RPS8: variants seen among roughly 807,000 people sequenced by gnomAD.
RPS8 encodes the protein small ribosomal subunit protein eS8.
For synonymous variants in RPS8, 100 were observed against 100.7 expected (o/e 0.99, Z 0.04); for missense variants, 141 against 269.7 (o/e 0.52, Z 3.34).
In RPS8 at chr1:44,777,639, C is replaced by T. The variant is rs25687; in HGVS notation, c.237C>T (p.Ile79=). ...SECCTRKTRI[I]DVVYNASNNE... is the part of the protein sequence containing the mutation. Reference sequence around the variant, plus strand: ...GTTGTACTCGTAAAACAAGGATCATCGATGTTGTCTACAATGCATCTAATA... The same window carrying T: ...GTTGTACTCGTAAAACAAGGATCATTGATGTTGTCTACAATGCATCTAATA... Residue 79 remains isoleucine, a synonymous_variant, in exon 4 of 6, where the codon ATC becomes ATT. Transcript: ENST00000396651. 3.0e-3 allele frequency: 4,908 copies of T among 1,613,842 alleles called. 130 individuals carry two copies. The African/African-American group carries it at 0.057, about 19-fold the overall frequency.
Position 44,775,854 on chromosome 1 carries a change from C to A in RPS8, c.5-180C>A. On this transcript the variant is annotated intron_variant, in intron 1 of 5. Coordinates refer to ENST00000396651, the MANE Select transcript of RPS8 (RefSeq NM_001012.2). The stretch of plus-strand genomic sequence containing the variant: ...GGCTGCCGCGAGGAGGAGGCCCCGG[C>A]CTGGCCGCACGTGTATGATGACAAC... 4 of 808,188 alleles carry A rather than the reference C, an allele frequency of 4.9e-6. No homozygotes were observed. The East Asian group carries it at 9.9e-5, about 20-fold the overall frequency. 50.1% of individuals were successfully genotyped at this position (808,188 alleles called of 1,614,324 possible). A position where few individuals can be genotyped will look rare whatever the true frequency, so the allele number is the denominator to read the frequency against.
rs1650924802 is a variant in RPS8, at chr1:44,778,113, G to A, written c.501G>A (p.Gln167=). Residue 167 remains glutamine (Q), a synonymous_variant, in exon 5 of 6, where the codon CAG becomes CAA. Coordinates refer to ENST00000396651, the MANE Select transcript of RPS8 (RefSeq NM_001012.2). ...KISSLLEEQF[Q]QGKLLACIAS... ...GCAGTCTCCTGGAGGAGCAGTTCCA[G>A]CAGGGCAAGCTTCTTGGTGAGAAGG... The A allele has an allele frequency of 6.3e-7, 1 of 1,596,420 alleles. No individual in the cohort carries two copies. Among genetic ancestry groups the A allele is most frequent in the South Asian group, 1.1e-5 (1 of 89,418 alleles).
At chr1:44,775,857 G>C (rs1270922167) in intron 1 of RPS8, 177 bp from the exon 2 acceptor site, 1 of 814,066 alleles carries the variant, frequency 1.2e-6, no homozygotes, top group East Asian at 2.5e-5. Context: ...GCCCCGGCCT[G>C]GCCGCACGTG....
At chr1:44,776,349 G>A in intron 2 of RPS8, 1 of 677,970 alleles carries the variant, frequency 1.5e-6, no homozygotes, top group Non-Finnish European at 2.6e-6. Flanking sequence ...TGGAGCTTAG[G>A]ATTTCAGAGA....
At chr1:44,777,233 G>A (rs1650889370) in intron 3 of RPS8, 5 of 216,788 alleles carry the variant, frequency 2.3e-5, no homozygotes, top group East Asian at 2.5e-4. Flanking sequence ...CATCACACCC[G>A]GCTGCTTCTG....
chr1:44,776,908 G>A (rs1176611405), intron 3 of RPS8, 134 bp downstream of exon 3: 5 of 598,824 alleles, frequency 8.3e-6, no homozygotes, highest in African/African-American at 1.9e-5. Flanking sequence ...GATCACCTGA[G>A]GTCAGGAGTT....
At position 44,775,595 on chromosome 1, in the gene RPS8, C is replaced by G. The variant is rs371386216; in HGVS notation, c.-2C>G. 1 of 1,614,036 alleles carries G rather than the reference C, an allele frequency of 6.2e-7. No homozygotes were observed. The highest frequency in any genetic ancestry group is 1.3e-5 in the African/African-American group (1 of 74,928). On this transcript the variant is annotated 5_prime_UTR_variant, in exon 1 of 6. Transcript: ENST00000396651. ...GTTTCTCTTTCCAGCCAGCGCCGAG[C>G]GATGGGTGAGTGTCGCTCTGCATTG...
rs566572647 is a variant in RPS8 at position 44,777,395 on chromosome 1, A to G, written c.212-219A>G. The G allele has an allele frequency of 3.6e-4, 201 of 555,902 alleles. 2 individuals are homozygous for G. Among genetic ancestry groups the G allele is most frequent in the Admixed American group, 7.7e-4 (24 of 31,254 alleles). 34.4% of individuals were successfully genotyped at this position (555,902 alleles called of 1,614,324 possible). A position where few individuals can be genotyped will look rare whatever the true frequency, so the allele number is the denominator to read the frequency against. ...CTGCTCTGATCTTTCTGAACTCTGC[A>G]GCCTGAGAGATTGGGGCTGGTAAAG... On this transcript the variant is annotated intron_variant, in intron 3 of 5. Transcript: ENST00000396651.
In RPS8 at chr1:44,778,003, C is replaced by T; in HGVS notation, c.391C>T (p.Pro131Ser). 6.2e-7 allele frequency: 1 copy of T among 1,613,652 alleles called. No individual in the cohort carries two copies. The highest frequency in any genetic ancestry group is 8.5e-7 in the Non-Finnish European group (1 of 1,179,968). The stretch of plus-strand genomic sequence containing the variant: ...TATATTTGTATCCCCTTTTCAGACT[C>T]CTGAGGAAGAAGAGATTTTAAACAA... ...LGRKKGAKLTPEEEEILNKKR... is the reference protein window; with the variant it reads ...LGRKKGAKLTSEEEEILNKKR... The change falls in exon 5 of 6, where the codon CCT (proline) becomes TCT (serine). Residue 131 changes from proline (P) to serine (S), a missense_variant. Pro to Ser is a moderately conservative substitution (Grantham distance 74, BLOSUM62 -1). Coordinates refer to ENST00000396651, the MANE Select transcript of RPS8 (RefSeq NM_001012.2).
rs760550140 is a variant in RPS8, at chr1:44,778,122, G to A, written c.510G>A (p.Lys170=). The change falls in exon 5 of 6, where the codon AAG becomes AAA. Residue 170 remains lysine (K), a synonymous_variant. Transcript: ENST00000396651. Reference sequence around the variant, plus strand: ...TGGAGGAGCAGTTCCAGCAGGGCAAGCTTCTTGGTGAGAAGGCTGTTGTGT... The same window carrying A: ...TGGAGGAGCAGTTCCAGCAGGGCAAACTTCTTGGTGAGAAGGCTGTTGTGT... ...SLLEEQFQQG[K]LLACIASRPG... 3.1e-5 allele frequency: 49 copies of A among 1,594,022 alleles called. No homozygotes were observed. The highest frequency in any genetic ancestry group is 3.8e-5 in the Non-Finnish European group (44 of 1,169,942).
Position 44,776,729 on chromosome 1 carries a change from C to T in RPS8, c.166C>T (p.Arg56Cys), listed in dbSNP as rs753641869. 6.2e-7 allele frequency: 1 copy of T among 1,613,318 alleles called. No individual in the cohort carries two copies. The highest frequency in any genetic ancestry group is 1.1e-5 in the South Asian group (1 of 91,008). ...VRVRGGNKKY[R>C]ALRLDVGNFS... ...TGTGCGGGGAGGTAACAAGAAATAC[C>T]GTGCCCTGAGGTTGGACGTGGGGAA... Residue 56 changes from arginine (R) to cysteine (C), a missense_variant, in exon 3 of 6, where the codon CGT (arginine) becomes TGT (cysteine). By Grantham distance (180) the Arg-to-Cys change is radical. Coordinates refer to ENST00000396651, the MANE Select transcript of RPS8 (RefSeq NM_001012.2).
At position 44,776,761 on chromosome 1, in the gene RPS8, C is replaced by T. The variant is rs779539651; in HGVS notation, c.198C>T (p.Ser66=). 6.2e-7 allele frequency: 1 copy of T among 1,610,444 alleles called. No homozygotes were observed. The change falls in exon 3 of 6, where the codon TCC becomes TCT. Residue 66 remains serine, a synonymous_variant. Coordinates refer to ENST00000396651, the MANE Select transcript of RPS8 (RefSeq NM_001012.2). ...RALRLDVGNF[S]WGSECCTRKT... ...TGAGGTTGGACGTGGGGAATTTCTC[C>T]TGGGGCTCAGAGTGTGAGTGAGGCC... is the stretch of plus-strand genomic sequence containing the variant.
chr1:44,777,703 A>G lies in RPS8; in HGVS notation c.301A>G (p.Ile101Val), dbSNP rs1271387414. The change falls in exon 4 of 6, where the codon ATC (isoleucine) becomes GTC (valine). Residue 101 changes from isoleucine to valine, a missense_variant. Physicochemically the swap from Ile to Val is conservative, Grantham distance 29. Coordinates refer to ENST00000396651, the MANE Select transcript of RPS8 (RefSeq NM_001012.2). The part of the protein sequence containing the change: ...VRTKTLVKNC[I>V]VLIDSTPYRQ... ...TACCAAGACCCTGGTGAAGAATTGCATCGTGCTCATCGACAGCACACCGTA... is the reference window on the plus strand; with the variant it reads ...TACCAAGACCCTGGTGAAGAATTGCGTCGTGCTCATCGACAGCACACCGTA... The G allele has an allele frequency of 1.2e-6, 2 of 1,613,884 alleles. No individual in the cohort carries two copies. Among genetic ancestry groups the G allele is most frequent in the Non-Finnish European group, 1.7e-6 (2 of 1,179,872 alleles).
intron 2 of RPS8, chr1:44,776,376 G>T (rs1481639886): frequency 1.4e-6 from 1 of 700,398 alleles, no homozygotes. Flanking sequence ...TACTGTGTGG[G>T]GACTTGAGCT....
rs780371201 is a variant in RPS8 at position 44,775,587 on chromosome 1, G to T, written c.-10G>T. Reference sequence around the variant, plus strand: ...TCTTTGCGGTTTCTCTTTCCAGCCAGCGCCGAGCGATGGGTGAGTGTCGCT... The same window carrying T: ...TCTTTGCGGTTTCTCTTTCCAGCCATCGCCGAGCGATGGGTGAGTGTCGCT... On this transcript the variant is annotated 5_prime_UTR_variant, in exon 1 of 6. Transcript: ENST00000396651. 3.7e-6 allele frequency: 6 copies of T among 1,614,158 alleles called. No homozygotes were observed. The highest frequency in any genetic ancestry group is 2.5e-6 in the Non-Finnish European group (3 of 1,179,994).
chr1:44,777,807 GT>G lies in RPS8; in HGVS notation c.387+19del. ...CCAAGCTGGTGCGTGTTACTTCCCT[GT>G]AGGGGTTGTGGGGAGGGCAGCCTGA... On this transcript the variant is annotated intron_variant, in intron 4 of 5. Transcript: ENST00000396651. 1 of 1,613,784 alleles carries G rather than the reference GT, an allele frequency of 6.2e-7. No individual in the cohort carries two copies. The highest frequency in any genetic ancestry group is 8.5e-7 in the Non-Finnish European group (1 of 1,179,652).
intron 3 of RPS8, 171 bp downstream of exon 3, chr1:44,776,945 G>A: frequency 7.4e-6 from 4 of 542,626 alleles, no homozygotes; most frequent in Non-Finnish European, 9.7e-6. Context: ...AACAGAGCGA[G>A]ACTCTCAGTA....
In RPS8 at chr1:44,776,449, T is replaced by C. The variant is rs979044847; in HGVS notation, c.112-226T>C. On this transcript the variant is annotated intron_variant, in intron 2 of 5. Transcript: ENST00000396651. ...CTAGTCTTGTTTTTTTTACAGAGGC[T>C]TAATTTTCAGCATTTGGGGTCAGGC... The C allele has an allele frequency of 6.6e-6, 5 of 757,976 alleles. No individual in the cohort carries two copies. The Admixed American group carries it at 6.9e-5, about 10-fold the overall frequency. 47.0% of individuals were successfully genotyped at this position (757,976 alleles called of 1,614,324 possible).
At chr1:44,778,177 T>C in intron 5 of RPS8, 48 bp downstream of exon 5, 1 of 1,587,834 alleles carries the variant, frequency 6.3e-7, no homozygotes, top group Non-Finnish European at 8.6e-7. Context: ...AGATTGAGTG[T>C]GCCGAGGCAC....
Sources: allele counts gnomAD v4.1 joint callset, GRCh38; gene constraint gnomAD v4.1.1; transcripts MANE v1.5; gene names NCBI Gene and HGNC (gene_info 2026-07-23, HGNC 2026-07-21).